The following SLC24A4 variants were observed in gnomAD, a reference collection of about 807,000 sequenced individuals.
SLC24A4 encodes solute carrier family 24 member 4, also known as sodium/potassium/calcium exchanger 4.
SLC24A4 carries 53 observed loss-of-function variants against 79.0 expected under a neutral mutation model. That is an observed-to-expected ratio of 0.67 (90% CI 0.54 to 0.84). The LOEUF (loss-of-function observed/expected upper bound fraction) is 0.84. Among genes scored for constraint, SLC24A4 ranks in the 40% least tolerant of loss-of-function variants. The pLI is 0.00. For synonymous variants in SLC24A4, 323 were observed against 323.8 expected, an observed-to-expected ratio of 1.00 and a Z score of 0.03; for missense variants, 731 against 822.0, an observed-to-expected ratio of 0.89 and a Z score of 1.35.
intron 2 of SLC24A4, among the ~76,000 whole-genome samples, chr14:92,381,867 A>G (rs1888871349): frequency 6.6e-6 from 1 of 152,190 alleles, no homozygotes; most frequent in Admixed American, 6.5e-5. Flanking sequence ...GGATTGTTTA[A>G]AGCTCCCCAT....
In SLC24A4 at chr14:92,489,836, C is replaced by T. The variant is rs184992541; in HGVS notation, c.1538-1829C>T. On this transcript the variant is annotated intron_variant, in intron 14 of 16. Coordinates refer to ENST00000532405, the MANE Select transcript of SLC24A4 (RefSeq NM_153646.4). Reference sequence around the variant, plus strand: ...CTCCTCTGCAAACTCAGGCACCTTCCTACCCTCCTGACCTGCCGGAGTGCC... The same window carrying T: ...CTCCTCTGCAAACTCAGGCACCTTCTTACCCTCCTGACCTGCCGGAGTGCC... Among the ~76,000 whole-genome samples, 4 of 152,294 alleles carry T rather than the reference C, an allele frequency of 2.6e-5. No homozygotes were observed. The East Asian group carries it at 5.8e-4, about 22-fold the overall frequency.
intron 11 of SLC24A4, 86 bp from the exon 12 acceptor site, chr14:92,456,318 G>A: frequency 1.5e-6 from 2 of 1,370,544 alleles, no homozygotes; most frequent in South Asian, 1.2e-5. Context: ...TGTAAGAGCA[G>A]GGTGCGTGTG....
At chr14:92,465,586 T>C (rs934077404) in intron 12 of SLC24A4, among the ~76,000 whole-genome samples, 12 of 152,256 alleles carry the variant, frequency 7.9e-5, no homozygotes, top group African/African-American at 2.9e-4. Context: ...TGGGCCCGGC[T>C]TCTCCCTTGA....
At chr14:92,426,664 A>C (rs1186386971) in intron 2 of SLC24A4, among the ~76,000 whole-genome samples, 1 of 152,230 alleles carries the variant, frequency 6.6e-6, no homozygotes, top group African/African-American at 2.4e-5. Context: ...TGTTTGGGAC[A>C]CAAGGGTGAT....
At chr14:92,324,402 C>T (rs1488273268) in intron 1 of SLC24A4, among the ~76,000 whole-genome samples, 1 of 152,202 alleles carries the variant, frequency 6.6e-6, no homozygotes, top group Non-Finnish European at 1.5e-5. Context: ...CCCCTGGGTG[C>T]CCTGAGGTGT....
At chr14:92,333,187 A>G (rs1885577781) in intron 2 of SLC24A4, among the ~76,000 whole-genome samples, 2 of 152,142 alleles carry the variant, frequency 1.3e-5, no homozygotes, top group Non-Finnish European at 2.9e-5. Flanking sequence ...TCTGCCTCCC[A>G]GGTTCAAGCG....
chr14:92,486,513 TTTTTG>T (rs932799099), intron 13 of SLC24A4, among the ~76,000 whole-genome samples, 148 bp from the exon 14 acceptor site: 3 of 152,160 alleles, frequency 2.0e-5, no homozygotes, highest in Non-Finnish European at 2.9e-5. Context: ...GTGGGGGTTT[TTTTTG>T]TTTTGTTTTG....
chr14:92,444,017 G>A (rs193277693), intron 7 of SLC24A4, among the ~76,000 whole-genome samples: 3 of 151,958 alleles, frequency 2.0e-5, no homozygotes, highest in Non-Finnish European at 4.4e-5. Flanking sequence ...CGTGTATGCC[G>A]TATTCTGTTT....
intron 2 of SLC24A4, among the ~76,000 whole-genome samples, chr14:92,328,979 G>A (rs961897774): frequency 1.3e-5 from 2 of 152,262 alleles, no homozygotes; most frequent in African/African-American, 4.8e-5. Context: ...AAGGAAGGCT[G>A]GATTAGAGTT....
In SLC24A4 at chr14:92,344,952, G is replaced by A. The variant is rs142034500; in HGVS notation, c.241+18974G>A. Among the ~76,000 whole-genome samples, 802 of 152,300 alleles carry A rather than the reference G, an allele frequency of 5.3e-3. 4 individuals are homozygous for A. The highest frequency in any genetic ancestry group is 0.016 in the South Asian group (76 of 4,834). On this transcript the variant is annotated intron_variant, in intron 2 of 16. Coordinates refer to ENST00000532405, the MANE Select transcript of SLC24A4 (RefSeq NM_153646.4). The stretch of plus-strand genomic sequence containing the variant: ...GTAAGATGTCTGGAGAGACACGCCA[G>A]GTTTGGGTAGACTTCAGATTCTCTC...
At chr14:92,327,954 C>T (rs551234904) in intron 2 of SLC24A4, among the ~76,000 whole-genome samples, 7 of 152,272 alleles carry the variant, frequency 4.6e-5, no homozygotes, top group African/African-American at 9.6e-5. Flanking sequence ...AGATATGGGT[C>T]GAATGATGGA....
At chr14:92,453,838 C>T in intron 10 of SLC24A4, 62 bp from the exon 11 acceptor site, 1 of 1,500,160 alleles carries the variant, frequency 6.7e-7, no homozygotes, top group African/African-American at 1.4e-5. Flanking sequence ...AAGTCAGTGG[C>T]CCCAGCACTT....
chr14:92,374,441 C>T lies in SLC24A4; in HGVS notation c.241+48463C>T, dbSNP rs115509068. On this transcript the variant is annotated intron_variant, in intron 2 of 16. Transcript: ENST00000532405. ...TGCGAACAGTCAGTCTCTTGGAAGG[C>T]GGAGTAAAGTCACAAAGCTGATTGT... Among the ~76,000 whole-genome samples, 861 of 152,302 alleles carry T rather than the reference C, an allele frequency of 5.7e-3. 7 individuals are homozygous for T. Among genetic ancestry groups the T allele is most frequent in the African/African-American group, 0.02 (813 of 41,554 alleles).
intron 4 of SLC24A4, among the ~76,000 whole-genome samples, chr14:92,440,113 A>G (rs1892407414): frequency 6.6e-6 from 1 of 152,106 alleles, no homozygotes. Flanking sequence ...TGGGTTGTTC[A>G]GGGCAGGTGC....
At chr14:92,420,038 TC>T (rs1891191457) in intron 2 of SLC24A4, among the ~76,000 whole-genome samples, 4 of 152,114 alleles carry the variant, frequency 2.6e-5, no homozygotes, top group African/African-American at 9.7e-5. Context: ...ATTGGGGTGA[TC>T]TGGGCCCACA....
At chr14:92,340,781 G>A (rs553770961) in intron 2 of SLC24A4, among the ~76,000 whole-genome samples, 3 of 152,178 alleles carry the variant, frequency 2.0e-5, no homozygotes, top group African/African-American at 7.2e-5. Flanking sequence ...CTCCACACAT[G>A]GCCTCACATG....
intron 2 of SLC24A4, among the ~76,000 whole-genome samples, chr14:92,372,933 TTC>T (rs1278603657): frequency 4.1e-5 from 4 of 97,788 alleles, no homozygotes; most frequent in African/African-American, 1.4e-4. Context: ...TTCTCTTTCT[TTC>T]TTTTTCTCTC....
chr14:92,449,489 G>A (rs910113719), intron 10 of SLC24A4, among the ~76,000 whole-genome samples: 19 of 152,168 alleles, frequency 1.2e-4, no homozygotes, highest in African/African-American at 2.4e-4. Context: ...GTTTCTGGGC[G>A]CTTTCCCATG....
chr14:92,343,315 T>C (rs1046705623), intron 2 of SLC24A4, among the ~76,000 whole-genome samples: 2 of 152,220 alleles, frequency 1.3e-5, no homozygotes, highest in African/African-American at 4.8e-5. Flanking sequence ...GTAACCTGTG[T>C]TGTAAAATTA....
Sources: gnomAD v4.1 joint callset for allele counts (sites outside exome capture counted in the v4.1 genomes callset) on GRCh38, gnomAD v4.1.1 for gene constraint, MANE v1.5 for transcripts, NCBI Gene and HGNC (gene_info 2026-07-23, HGNC 2026-07-21) for gene names.